Variants in PCLO observed in about 807,000 individuals in gnomAD.
PCLO encodes protein piccolo.
Under a neutral mutation model 427.5 loss-of-function variants are expected in PCLO, and 82 were observed. The ratio of observed to expected loss-of-function variants is 0.19; its 90% CI spans 0.16 to 0.23. PCLO has a LOEUF of 0.23. Among genes scored for constraint, PCLO ranks in the 10% least tolerant of loss-of-function variants. The pLI is 1.00. For missense variants in PCLO, 6,239 were observed against 6,115.9 expected (o/e 1.02, Z -0.67); for synonymous variants, 2,357 against 2,155.4 (o/e 1.09, Z -2.59).
At chr7:83,030,659 G>C (rs991749660) in intron 3 of PCLO, among the ~76,000 whole-genome samples, 1 of 152,122 alleles carries the variant, frequency 6.6e-6, no homozygotes, top group African/African-American at 2.4e-5. Context: ...ATGTAATATT[G>C]TTTTAAATCA....
chr7:83,003,692 C>T (rs1303851828), intron 3 of PCLO, among the ~76,000 whole-genome samples: 2 of 151,754 alleles, frequency 1.3e-5, no homozygotes, highest in African/African-American at 4.8e-5. Context: ...AAGGATAAAT[C>T]CCCCTTAAGT....
intron 1 of PCLO, among the ~76,000 whole-genome samples, chr7:83,157,638 TAC>T (rs1484778445): frequency 6.6e-6 from 1 of 151,762 alleles, no homozygotes; most frequent in African/African-American, 2.4e-5. Flanking sequence ...TCATATTAAA[TAC>T]AGAAACTTTT....
rs146681103 is a variant in PCLO, at chr7:83,156,346, G to T, written c.295C>A (p.Pro99Thr). The T allele has an allele frequency of 4.3e-6, 7 of 1,611,876 alleles. No homozygotes were observed. Among genetic ancestry groups the T allele is most frequent in the African/African-American group, 1.3e-5 (1 of 74,532 alleles). Residue 99 changes from proline (P) to threonine (T), a missense_variant, in exon 2 of 25, where the codon CCC becomes ACC. Pro to Thr is a conservative substitution (Grantham distance 38). Coordinates refer to ENST00000333891, the MANE Select transcript of PCLO (RefSeq NM_033026.6). ...TGAGCTGGACGCCCAGGGTCCGGGGGTCTTCCTGATTGCTTTGGAGGATGA... is the reference window on the plus strand; with the variant it reads ...TGAGCTGGACGCCCAGGGTCCGGGGTTCTTCCTGATTGCTTTGGAGGATGA... ...SSHPPKQSGR[P>T]PDPGRPAQPG... is the part of the protein sequence containing the mutation.
At chr7:82,882,444 G>T (rs1793530990) in intron 9 of PCLO, among the ~76,000 whole-genome samples, 1 of 152,010 alleles carries the variant, frequency 6.6e-6, no homozygotes, top group Non-Finnish European at 1.5e-5. Flanking sequence ...TGCTTCTTCA[G>T]ATGCCATGAA....
intron 4 of PCLO, among the ~76,000 whole-genome samples, chr7:82,961,887 AAGT>A (rs1033597202): frequency 1.4e-4 from 22 of 152,200 alleles, no homozygotes; most frequent in African/African-American, 5.3e-4. Flanking sequence ...TATAATAGCT[AAGT>A]AGTAGAAAAA....
rs770763155 is a variant in PCLO, at chr7:82,952,829, T to A, written c.8124A>T (p.Ile2708=). The A allele has an allele frequency of 5.6e-6, 9 of 1,613,664 alleles. No individual in the cohort carries two copies. The highest frequency in any genetic ancestry group is 7.6e-6 in the Non-Finnish European group (9 of 1,179,632). Residue 2708 remains isoleucine (I), a synonymous_variant, in exon 5 of 25, where the codon ATA becomes ATT. Transcript: ENST00000333891. ...IPPEPLALDN[I]HLEKPQYKED... is the part of the protein sequence containing the mutation. Reference sequence around the variant, plus strand: ...CTTTATACTGAGGCTTCTCTAAATGTATGTTATCTAGAGCAAGAGGCTCTG... The same window carrying A: ...CTTTATACTGAGGCTTCTCTAAATGAATGTTATCTAGAGCAAGAGGCTCTG...
intron 3 of PCLO, among the ~76,000 whole-genome samples, chr7:83,094,203 T>C (rs1013831820): frequency 9.1e-6 from 1 of 109,658 alleles, no homozygotes; most frequent in African/African-American, 3.3e-5. Flanking sequence ...GGGACTGATT[T>C]TTTTTTCTTT....
chr7:83,096,053 T>C (rs1465919731), intron 3 of PCLO, among the ~76,000 whole-genome samples: 1 of 152,144 alleles, frequency 6.6e-6, no homozygotes, highest in Non-Finnish European at 1.5e-5. Flanking sequence ...TGAAAATTAA[T>C]GTTATCTAAC....
At chr7:82,958,559 A>G (rs769319420) in intron 4 of PCLO, among the ~76,000 whole-genome samples, 1 of 152,168 alleles carries the variant, frequency 6.6e-6, no homozygotes, top group Non-Finnish European at 1.5e-5. Flanking sequence ...CTGAATTTAC[A>G]ATGTTACTCA....
At chr7:83,057,383 G>A (rs1436393640) in intron 3 of PCLO, among the ~76,000 whole-genome samples, 2 of 44,408 alleles carry the variant, frequency 4.5e-5, no homozygotes, top group South Asian at 7.9e-4. Flanking sequence ...TTTTTTTGAG[G>A]CAGAGTCTCG....
At position 82,794,468 on chromosome 7, in the gene PCLO, T is replaced by G. The variant is rs1316521363; in HGVS notation, c.15007+7050A>C. Among the ~76,000 whole-genome samples the G allele has an allele frequency of 4.6e-4, 42 of 91,332 alleles. 2 individuals are homozygous for G. The highest frequency in any genetic ancestry group is 1.3e-3 in the Admixed American group (12 of 9,082). 59.9% of individuals were successfully genotyped at this position (91,332 alleles called of 152,430 possible). ...TTCATAAATTTTTTTTCTTTTTTTT[T>G]TTTTTTTTTTTTTTTTTTTTTGAGA... On this transcript the variant is annotated intron_variant, in intron 22 of 24. Coordinates refer to ENST00000333891, the MANE Select transcript of PCLO (RefSeq NM_033026.6).
chr7:82,912,386 A>G (rs1794344450), intron 7 of PCLO, among the ~76,000 whole-genome samples: 1 of 151,886 alleles, frequency 6.6e-6, no homozygotes, highest in Admixed American at 6.6e-5. Flanking sequence ...TATGTGATAC[A>G]TAAACAAAGA....
chr7:83,019,234 G>C, intron 3 of PCLO, among the ~76,000 whole-genome samples: 1 of 151,924 alleles, frequency 6.6e-6, no homozygotes, highest in East Asian at 1.9e-4. Flanking sequence ...CTTGTAAATA[G>C]TGTAGCTATT....
rs1342533396 is a variant in PCLO at position 82,952,631 on chromosome 7, A to G, written c.8322T>C (p.Ser2774=). Residue 2774 remains serine, a synonymous_variant, in exon 5 of 25, where the codon TCT becomes TCC. Transcript: ENST00000333891. The part of the protein sequence containing the change: ...YGKQISAVQP[S]IINLSVTSSI... ...ATGATGTCACACTAAGATTTATAAT[A>G]GAGGGTTGGACAGCACTAATTTGTT... is the stretch of plus-strand genomic sequence containing the variant. 6.2e-7 allele frequency: 1 copy of G among 1,613,944 alleles called. No homozygotes were observed. Among genetic ancestry groups the G allele is most frequent in the East Asian group, 2.2e-5 (1 of 44,870 alleles).
Position 82,951,296 on chromosome 7 carries a change from G to A in PCLO, c.9292C>T (p.Pro3098Ser). 6.2e-7 allele frequency: 1 copy of A among 1,613,168 alleles called. No individual in the cohort carries two copies. Among genetic ancestry groups the A allele is most frequent in the Non-Finnish European group, 8.5e-7 (1 of 1,179,546 alleles). The change falls in exon 6 of 25, where the codon CCC becomes TCC. Residue 3098 changes from proline (P) to serine (S), a missense_variant. Physicochemically the swap from Pro to Ser is moderately conservative, Grantham distance 74. Coordinates refer to ENST00000333891, the MANE Select transcript of PCLO (RefSeq NM_033026.6). ...VVYSSVATPT[P>S]STFAITTQPG... ...TGTGTGGTGATAGCAAATGTAGAGG[G>A]TGTTGGAGTTGCTACTGAAGAATAG...
intron 3 of PCLO, among the ~76,000 whole-genome samples, chr7:83,114,989 T>A (rs1247996277): frequency 6.6e-6 from 1 of 152,106 alleles, no homozygotes; most frequent in African/African-American, 2.4e-5. Context: ...GTGATTTTTT[T>A]AAAGTGGAGA....
At chr7:83,035,579 C>A (rs1788773890) in intron 3 of PCLO, among the ~76,000 whole-genome samples, 1 of 152,134 alleles carries the variant, frequency 6.6e-6, no homozygotes, top group Non-Finnish European at 1.5e-5. Context: ...GCATTCTTGA[C>A]AGATTATATT....
chr7:82,873,939 G>A (rs1015111728), intron 10 of PCLO, among the ~76,000 whole-genome samples: 1 of 152,094 alleles, frequency 6.6e-6, no homozygotes, highest in African/African-American at 2.4e-5. Flanking sequence ...GTAAATATAT[G>A]AGCAGTTAAG....
intron 8 of PCLO, among the ~76,000 whole-genome samples, chr7:82,904,214 G>A (rs1325623653): frequency 6.6e-6 from 1 of 151,758 alleles, no homozygotes; most frequent in East Asian, 1.9e-4. Flanking sequence ...TTTGTAACAA[G>A]TGCTTACATT....
Sources: gnomAD v4.1 joint callset for allele counts (sites outside exome capture counted in the v4.1 genomes callset) on GRCh38, gnomAD v4.1.1 for gene constraint, MANE v1.5 for transcripts, NCBI Gene and HGNC (gene_info 2026-07-23, HGNC 2026-07-21) for gene names.